Variants in AGBL1 observed in about 807,000 individuals in gnomAD.
The protein encoded by AGBL1 is AGBL carboxypeptidase 1.
A neutral mutation model predicts 118.9 loss-of-function variants in AGBL1; 130 were observed. That is an observed-to-expected ratio of 1.09 (90% CI 0.95 to 1.26). AGBL1 has a LOEUF of 1.26. Ranked by LOEUF, AGBL1 falls within the 50% of genes most tolerant of loss-of-function variation. The pLI, the probability that AGBL1 is intolerant of heterozygous loss-of-function variation, is 0.00. For synonymous variants in AGBL1, 555 were observed against 478.9 expected (o/e 1.16, Z -2.08); for missense variants, 1,584 against 1,298.1 (o/e 1.22, Z -3.38).
intron 24 of AGBL1, among the ~76,000 whole-genome samples, chr15:87,007,991 T>G (rs1336191762): frequency 6.6e-6 from 1 of 152,234 alleles, no homozygotes; most frequent in African/African-American, 2.4e-5. Flanking sequence ...TTTGGATTAT[T>G]CATTGCTGAA....
intron 21 of AGBL1, among the ~76,000 whole-genome samples, chr15:86,625,386 T>C (rs1167812086): frequency 0.098 from 4,376 of 44,858 alleles, 544 homozygotes; most frequent in African/African-American, 0.26. Flanking sequence ...TTTGTTTTTG[T>C]TTTTTTTTTT....
intron 22 of AGBL1, among the ~76,000 whole-genome samples, chr15:86,890,679 G>T (rs2080040634): frequency 6.6e-6 from 1 of 152,110 alleles, no homozygotes; most frequent in Non-Finnish European, 1.5e-5. Flanking sequence ...TGTCAAGTTT[G>T]TTGAAGATCA....
At chr15:86,713,706 C>G (rs776774069) in intron 22 of AGBL1, among the ~76,000 whole-genome samples, 5 of 152,118 alleles carry the variant, frequency 3.3e-5, no homozygotes, top group Non-Finnish European at 5.9e-5. Context: ...AGCACTGCTC[C>G]TCCAGGGTAC....
intron 17 of AGBL1, among the ~76,000 whole-genome samples, chr15:86,364,977 A>ATATATG (rs2080861282): frequency 1.2e-5 from 1 of 85,622 alleles, no homozygotes; most frequent in East Asian, 2.2e-4. Context: ...ATATATATAT[A>ATATATG]TATATATATA....
chr15:86,658,112 G>T (rs996692270), intron 21 of AGBL1, among the ~76,000 whole-genome samples: 4 of 152,006 alleles, frequency 2.6e-5, no homozygotes, highest in Admixed American at 1.3e-4. Flanking sequence ...TATGTATAAT[G>T]AAAGAACATG....
intron 5 of AGBL1, among the ~76,000 whole-genome samples, chr15:86,178,059 A>G (rs2077504878): frequency 6.6e-6 from 1 of 152,236 alleles, no homozygotes; most frequent in Non-Finnish European, 1.5e-5. Context: ...CACACCTGTA[A>G]TCCCAGCACT....
intron 22 of AGBL1, among the ~76,000 whole-genome samples, chr15:86,694,549 A>G (rs988263025): frequency 6.6e-6 from 1 of 152,040 alleles, no homozygotes; most frequent in Admixed American, 6.6e-5. Flanking sequence ...AAACAGCAAT[A>G]GTTTGACTTT....
At chr15:86,765,896 T>A (rs1308408009) in intron 22 of AGBL1, among the ~76,000 whole-genome samples, 1 of 151,840 alleles carries the variant, frequency 6.6e-6, no homozygotes, top group African/African-American at 2.4e-5. Context: ...AGTCTCTAGG[T>A]GTTGTCTAAA....
chr15:86,214,567 C>T (rs1364459279), intron 5 of AGBL1, among the ~76,000 whole-genome samples: 1 of 152,228 alleles, frequency 6.6e-6, no homozygotes, highest in African/African-American at 2.4e-5. Context: ...TTGAGAGTCA[C>T]ACCTCTATGT....
chr15:86,700,716 C>G (rs1409967229), intron 22 of AGBL1, among the ~76,000 whole-genome samples: 6 of 152,064 alleles, frequency 3.9e-5, no homozygotes, highest in Admixed American at 3.9e-4. Flanking sequence ...GTGTTTTATT[C>G]TGTGCCTCAA....
chr15:86,504,775 T>C (rs1004639345), intron 18 of AGBL1, among the ~76,000 whole-genome samples: 1 of 151,740 alleles, frequency 6.6e-6, no homozygotes, highest in South Asian at 2.1e-4. Context: ...TTACAGGTTA[T>C]GCCATTGTTT....
At chr15:86,526,583 GTATA>G (rs1377296403) in intron 19 of AGBL1, among the ~76,000 whole-genome samples, 3 of 131,582 alleles carry the variant, frequency 2.3e-5, no homozygotes, top group Non-Finnish European at 4.7e-5. Flanking sequence ...TACACACAGA[GTATA>G]TATATGTATA....
intron 24 of AGBL1, chr15:87,028,801 A>G: frequency 6.3e-7 from 1 of 1,599,554 alleles, no homozygotes; most frequent in African/African-American, 1.3e-5. Flanking sequence ...CATAGTAATT[A>G]ATATATTTCT....
intron 24 of AGBL1, among the ~76,000 whole-genome samples, chr15:86,989,195 C>G (rs192908750): frequency 6.6e-6 from 1 of 151,952 alleles, no homozygotes; most frequent in African/African-American, 2.4e-5. Context: ...GAGATAGGGT[C>G]TCACTATGTT....
At chr15:86,777,508 G>T (rs1042701229) in intron 22 of AGBL1, among the ~76,000 whole-genome samples, 1 of 151,724 alleles carries the variant, frequency 6.6e-6, no homozygotes, top group African/African-American at 2.4e-5. Flanking sequence ...GCATGTCAAA[G>T]TTCATGAAAG....
chr15:86,738,830 A>G (rs975290145), intron 22 of AGBL1, among the ~76,000 whole-genome samples: 6 of 152,224 alleles, frequency 3.9e-5, no homozygotes, highest in South Asian at 2.1e-4. Context: ...CCATGAAGCC[A>G]CTTCTACATA....
chr15:86,847,240 A>G (rs2079332695), intron 22 of AGBL1, among the ~76,000 whole-genome samples: 1 of 152,160 alleles, frequency 6.6e-6, no homozygotes. Flanking sequence ...TGCTGAGTTC[A>G]ATCTATAGGC....
chr15:86,729,759 A>G (rs936570418), intron 22 of AGBL1, among the ~76,000 whole-genome samples: 4 of 152,192 alleles, frequency 2.6e-5, no homozygotes, highest in Non-Finnish European at 4.4e-5. Context: ...TCCTTTTGAT[A>G]GAATGATTTA....
At chr15:86,638,761 C>A (rs949746610) in intron 21 of AGBL1, among the ~76,000 whole-genome samples, 1 of 152,140 alleles carries the variant, frequency 6.6e-6, no homozygotes, top group Non-Finnish European at 1.5e-5. Context: ...TGCTGAGTAA[C>A]AAATCACTGC....
Sources: allele counts gnomAD v4.1 joint callset (sites outside exome capture counted in the v4.1 genomes callset), GRCh38; gene constraint gnomAD v4.1.1; transcripts MANE v1.5; gene names NCBI Gene and HGNC (gene_info 2026-07-23, HGNC 2026-07-21).